The following NRXN3 variants were observed in gnomAD, a reference collection of about 807,000 sequenced individuals.
The protein encoded by NRXN3 is neurexin 3, also known as neurexin III.
NRXN3 carries 32 observed loss-of-function variants against 137.6 expected under a neutral mutation model. That is an observed-to-expected ratio of 0.23 (90% CI 0.18 to 0.31). The LOEUF (loss-of-function observed/expected upper bound fraction) is 0.31. Ranked by LOEUF, NRXN3 falls within the 10% of genes least tolerant of loss-of-function variation. NRXN3 has a pLI of 1.00. For missense variants in NRXN3, 1,574 were observed against 2,062.5 expected, an observed-to-expected ratio of 0.76 and a Z score of 4.59; for synonymous variants, 798 against 784.5, an observed-to-expected ratio of 1.02 and a Z score of -0.29.
chr14:79,500,450 T>A (rs1447847877), intron 16 of NRXN3, among the ~76,000 whole-genome samples: 2 of 152,170 alleles, frequency 1.3e-5, no homozygotes, highest in Admixed American at 6.5e-5. Flanking sequence ...GAAAAGTTAG[T>A]TTCTATTCCA....
intron 4 of NRXN3, among the ~76,000 whole-genome samples, chr14:78,502,860 G>C (rs1259320151): frequency 6.6e-6 from 1 of 152,218 alleles, no homozygotes; most frequent in Admixed American, 6.5e-5. Context: ...GGGAGTAGCA[G>C]TGGTTGGCTG....
At chr14:79,026,523 C>A (rs2099598267) in intron 15 of NRXN3, among the ~76,000 whole-genome samples, 1 of 151,970 alleles carries the variant, frequency 6.6e-6, no homozygotes, top group Admixed American at 6.6e-5. Flanking sequence ...ACAAACAAAC[C>A]AGAAAAATTG....
chr14:78,393,067 A>T (rs1475501770), intron 4 of NRXN3, among the ~76,000 whole-genome samples: 1 of 152,186 alleles, frequency 6.6e-6, no homozygotes, highest in Non-Finnish European at 1.5e-5. Context: ...TTTTTCACTA[A>T]TCTACCAGAA....
At chr14:78,590,779 G>T (rs1170173715) in intron 4 of NRXN3, among the ~76,000 whole-genome samples, 1 of 152,126 alleles carries the variant, frequency 6.6e-6, no homozygotes, top group African/African-American at 2.4e-5. Context: ...GCTGGGTGTG[G>T]TGGCACGTGG....
At chr14:78,964,799 T>C (rs1425328010) in intron 11 of NRXN3, among the ~76,000 whole-genome samples, 1 of 152,190 alleles carries the variant, frequency 6.6e-6, no homozygotes, top group Non-Finnish European at 1.5e-5. Context: ...TATTTTTTTT[T>C]CAAGCCCTCC....
intron 15 of NRXN3, among the ~76,000 whole-genome samples, chr14:79,216,485 T>C (rs1164178558): frequency 1.3e-5 from 2 of 152,116 alleles, no homozygotes; most frequent in Non-Finnish European, 2.9e-5. Context: ...CAAAAGAGCG[T>C]GTTGGATGGA....
chr14:78,384,221 CTAGATTT>C (rs2089597728), intron 4 of NRXN3, among the ~76,000 whole-genome samples: 1 of 152,104 alleles, frequency 6.6e-6, no homozygotes, highest in Admixed American at 6.5e-5. Context: ...ATCATTTTCT[CTAGATTT>C]AGAATTAGGC....
At chr14:79,773,587 A>G (rs1325861408) in intron 19 of NRXN3, among the ~76,000 whole-genome samples, 2 of 130,312 alleles carry the variant, frequency 1.5e-5, no homozygotes, top group Admixed American at 1.9e-4. Flanking sequence ...ATGAGAACAC[A>G]TGGACACAGG....
At chr14:78,792,455 A>C (rs2098808715) in intron 8 of NRXN3, among the ~76,000 whole-genome samples, 1 of 152,128 alleles carries the variant, frequency 6.6e-6, no homozygotes, top group South Asian at 2.1e-4. Flanking sequence ...AGAAACTGAG[A>C]TATAAAGAGG....
At chr14:79,673,881 T>C (rs2098626241) in intron 17 of NRXN3, among the ~76,000 whole-genome samples, 1 of 152,102 alleles carries the variant, frequency 6.6e-6, no homozygotes, top group African/African-American at 2.4e-5. Flanking sequence ...ATTACTGTTA[T>C]CATTTCACAA....
At chr14:78,482,240 G>A (rs1369997850) in intron 4 of NRXN3, among the ~76,000 whole-genome samples, 1 of 152,172 alleles carries the variant, frequency 6.6e-6, no homozygotes, top group Non-Finnish European at 1.5e-5. Flanking sequence ...TCAGGAAACG[G>A]AGGCTATTCA....
Position 79,861,075 on chromosome 14 carries a change from C to T in NRXN3, c.4094-267C>T. On this transcript the variant is annotated intron_variant, in intron 20 of 20. Coordinates refer to ENST00000335750, the MANE Select transcript of NRXN3 (RefSeq NM_001330195.2). This position sits in a 1 kb window ranked among gnomAD's most constrained non-coding sequence, Gnocchi z 5.4. ...GTTATCCCTCTTCTTGTAGAAGACC[C>T]TTTAGCTACCCCTCCTATTGCTACT... The T allele has an allele frequency of 7.0e-7, 1 of 1,430,002 alleles. No homozygotes were observed. The highest frequency in any genetic ancestry group is 9.1e-7 in the Non-Finnish European group (1 of 1,094,894). 88.6% of individuals were successfully genotyped at this position (1,430,002 alleles called of 1,614,324 possible).
At chr14:79,128,563 G>A (rs1468217378) in intron 15 of NRXN3, among the ~76,000 whole-genome samples, 1 of 150,996 alleles carries the variant, frequency 6.6e-6, no homozygotes, top group Non-Finnish European at 1.5e-5. Context: ...TTGATGTGCT[G>A]CTGGATTCGG....
intron 20 of NRXN3, among the ~76,000 whole-genome samples, chr14:79,820,533 T>A (rs1420183989): frequency 6.6e-6 from 1 of 152,172 alleles, no homozygotes; most frequent in Non-Finnish European, 1.5e-5. Context: ...TTATTTTAGG[T>A]TTATGGGTAC....
chr14:78,272,818 G>C (rs1314292469), intron 2 of NRXN3, among the ~76,000 whole-genome samples: 1 of 152,084 alleles, frequency 6.6e-6, no homozygotes, highest in Non-Finnish European at 1.5e-5. Context: ...AAAATAGGAT[G>C]AATACCGTTT....
intron 4 of NRXN3, among the ~76,000 whole-genome samples, chr14:78,499,885 C>G (rs780543968): frequency 1.3e-5 from 2 of 152,024 alleles, no homozygotes; most frequent in Non-Finnish European, 2.9e-5. Flanking sequence ...GAGAGAGAGA[C>G]AGAGCCTGCT....
At position 79,642,541 on chromosome 14, in the gene NRXN3, T is replaced by C. The variant is rs1275686204; in HGVS notation, c.3445-21237T>C. Among the ~76,000 whole-genome samples, 2 of 134,024 alleles carry C rather than the reference T, an allele frequency of 1.5e-5. 1 individual carries two copies. The highest frequency in any genetic ancestry group is 4.9e-5 in the African/African-American group (2 of 40,510). The allele number at this position is 134,024 out of a possible 152,430, so 87.9% of individuals were successfully genotyped here. On this transcript the variant is annotated intron_variant, in intron 16 of 20. Coordinates refer to ENST00000335750, the MANE Select transcript of NRXN3 (RefSeq NM_001330195.2). ...AATGAACTTGTAACAATATCTCTCT[T>C]TTTTTTTAATTCAAGCCACTGATAC...
chr14:79,179,778 A>G (rs929312926), intron 15 of NRXN3, among the ~76,000 whole-genome samples: 10 of 152,216 alleles, frequency 6.6e-5, no homozygotes, highest in Non-Finnish European at 8.8e-5. Context: ...GAAGATATCC[A>G]GAGAACATTG....
chr14:79,515,234 T>C (rs2096971276), intron 16 of NRXN3, among the ~76,000 whole-genome samples: 2 of 150,274 alleles, frequency 1.3e-5, no homozygotes, highest in African/African-American at 2.5e-5. Context: ...AGATGAGGCA[T>C]AGGGAAAAGG....
Sources: allele counts gnomAD v4.1 joint callset (sites outside exome capture counted in the v4.1 genomes callset), GRCh38; gene constraint gnomAD v4.1.1; non-coding constraint Gnocchi (gnomAD v3.1); transcripts MANE v1.5; gene names NCBI Gene and HGNC (gene_info 2026-07-23, HGNC 2026-07-21).